Variants in PLEKHA5 observed in about 807,000 individuals in gnomAD.
The protein encoded by PLEKHA5 is pleckstrin homology domain-containing family A member 5.
Under a neutral mutation model 181.9 loss-of-function variants are expected in PLEKHA5, and 55 were observed. The ratio of observed to expected loss-of-function variants is 0.30; its 90% CI spans 0.24 to 0.38. The LOEUF (loss-of-function observed/expected upper bound fraction) is 0.38. Ranked by LOEUF, PLEKHA5 falls within the 10% of genes least tolerant of loss-of-function variation. The pLI, the probability that PLEKHA5 is intolerant of heterozygous loss-of-function variation, is 1.00. For synonymous variants in PLEKHA5, 535 were observed against 529.4 expected (o/e 1.01, Z -0.15); for missense variants, 1,432 against 1,549.5 (o/e 0.92, Z 1.27).
intron 22 of PLEKHA5, among the ~76,000 whole-genome samples, chr12:19,344,612 A>G (rs1049753409): frequency 6.6e-6 from 1 of 152,202 alleles, no homozygotes; most frequent in African/African-American, 2.4e-5. Flanking sequence ...AAAGGTGAGA[A>G]ATAAGCACAT....
intron 3 of PLEKHA5, among the ~76,000 whole-genome samples, chr12:19,149,270 G>C (rs2039728183): frequency 6.6e-6 from 1 of 151,886 alleles, no homozygotes; most frequent in African/African-American, 2.4e-5. Flanking sequence ...GGGGAGGCCA[G>C]CGTGGACGGA....
chr12:19,331,372 A>G (rs550836231), intron 20 of PLEKHA5, among the ~76,000 whole-genome samples: 2 of 152,186 alleles, frequency 1.3e-5, no homozygotes, highest in Admixed American at 6.5e-5. Context: ...TTTTTTTTAA[A>G]TAGAATTTTT....
chr12:19,329,433 G>A (rs2092622302), intron 20 of PLEKHA5, among the ~76,000 whole-genome samples: 1 of 152,104 alleles, frequency 6.6e-6, no homozygotes, highest in Non-Finnish European at 1.5e-5. Flanking sequence ...TGTATGTCTG[G>A]TAGAAATCGG....
In PLEKHA5 at chr12:19,253,928, TC is replaced by T. The variant is rs112270315; in HGVS notation, c.228-10del. 6.2e-5 allele frequency: 95 copies of T among 1,520,154 alleles called. No individual in the cohort carries two copies. In the Admixed American group the frequency reaches 9.2e-4, roughly 15 times the overall value. The allele number at this position is 1,520,154 out of a possible 1,614,324, so 94.2% of individuals were successfully genotyped here. A position where few individuals can be genotyped will look rare whatever the true frequency, so the allele number is the denominator to read the frequency against. ...ACCTGCATGTTCTGTTTTTCTTTTT[TC>T]CTTTTTTCAGCCATAATGAAAGGAA... On this transcript the variant is annotated splice_polypyrimidine_tract_variant and intron_variant, in intron 3 of 31. Coordinates refer to ENST00000429027, the MANE Select transcript of PLEKHA5 (RefSeq NM_001256470.2).
At position 19,270,214 on chromosome 12, in the gene PLEKHA5, G is replaced by A. The variant is rs898303192; in HGVS notation, c.845+9G>A. On this transcript the variant is annotated intron_variant, in intron 10 of 31. Coordinates refer to ENST00000429027, the MANE Select transcript of PLEKHA5 (RefSeq NM_001256470.2). ...ATTACCTTTAATTTCCGGTGAGTACGTTTTTAATTGTTACCTTAAAGCTAC... is the reference window on the plus strand; with the variant it reads ...ATTACCTTTAATTTCCGGTGAGTACATTTTTAATTGTTACCTTAAAGCTAC... The A allele has an allele frequency of 9.0e-5, 126 of 1,400,640 alleles. No individual in the cohort carries two copies. Among genetic ancestry groups the A allele is most frequent in the Non-Finnish European group, 1.1e-4 (116 of 1,048,366 alleles). The allele number at this position is 1,400,640 out of a possible 1,614,324, so 86.8% of individuals were successfully genotyped here.
intron 3 of PLEKHA5, among the ~76,000 whole-genome samples, chr12:19,164,072 T>C (rs2043652857): frequency 1.3e-5 from 2 of 152,176 alleles, no homozygotes; most frequent in Non-Finnish European, 2.9e-5. Flanking sequence ...GGTAACACTC[T>C]TTTCACTTTG....
At chr12:19,369,207 G>A (rs893693741) in intron 30 of PLEKHA5, among the ~76,000 whole-genome samples, 7 of 151,576 alleles carry the variant, frequency 4.6e-5, no homozygotes, top group African/African-American at 1.2e-4. Context: ...ACTAATTTTT[G>A]TATTTTTAGT....
intron 5 of PLEKHA5, among the ~76,000 whole-genome samples, chr12:19,255,939 T>C (rs2066774948): frequency 7.1e-6 from 1 of 141,094 alleles, no homozygotes; most frequent in South Asian, 2.3e-4. Context: ...AAATATGACA[T>C]AAAACTCAGA....
intron 13 of PLEKHA5, 42 bp from the exon 14 acceptor site, chr12:19,290,635 T>C: frequency 6.7e-7 from 1 of 1,489,440 alleles, no homozygotes; most frequent in Non-Finnish European, 9.0e-7. Context: ...CAACAATTAA[T>C]CTGTTTTCCA....
chr12:19,151,829 A>AT (rs1349871233), intron 3 of PLEKHA5: 2 of 146,862 alleles, frequency 1.4e-5, no homozygotes, highest in African/African-American at 5.1e-5. Context: ...AAGGATCAAG[A>AT]TTTTCAGGTT....
At chr12:19,193,354 A>C (rs1340915338) in intron 3 of PLEKHA5, among the ~76,000 whole-genome samples, 1 of 152,222 alleles carries the variant, frequency 6.6e-6, no homozygotes, top group Non-Finnish European at 1.5e-5. Context: ...CATGAAGCCA[A>C]TATTTTAAAA....
chr12:19,242,233 G>GTT (rs201771165), intron 3 of PLEKHA5, among the ~76,000 whole-genome samples: 4 of 77,234 alleles, frequency 5.2e-5, no homozygotes, highest in Middle Eastern at 6.8e-3. Context: ...TCCTTTTTTT[G>GTT]TTTTTTTTTG....
At chr12:19,236,917 C>T (rs1012038420) in intron 3 of PLEKHA5, 2 of 152,184 alleles carry the variant, frequency 1.3e-5, no homozygotes, top group Admixed American at 6.6e-5. Context: ...AGTGCTTCAT[C>T]CCCACAGTGC....
At chr12:19,213,762 T>C (rs1165149490) in intron 3 of PLEKHA5, among the ~76,000 whole-genome samples, 1 of 152,138 alleles carries the variant, frequency 6.6e-6, no homozygotes, top group African/African-American at 2.4e-5. Context: ...TTAGGTTTGA[T>C]GAACTGGGAT....
chr12:19,275,535 A>G (rs1390545882), intron 11 of PLEKHA5, among the ~76,000 whole-genome samples: 1 of 152,152 alleles, frequency 6.6e-6, no homozygotes, highest in African/African-American at 2.4e-5. Context: ...AGGCCAAAGC[A>G]GGAGAATCGT....
At chr12:19,265,219 A>G (rs1397896730) in intron 7 of PLEKHA5, among the ~76,000 whole-genome samples, 2 of 152,256 alleles carry the variant, frequency 1.3e-5, no homozygotes, top group African/African-American at 4.8e-5. Flanking sequence ...GTGTCTTTGT[A>G]GAACTTACAT....
Position 19,274,804 on chromosome 12 carries a change from C to T in PLEKHA5, c.1134C>T (p.Ser378=), listed in dbSNP as rs763277331. 4.3e-6 allele frequency: 7 copies of T among 1,614,174 alleles called. No homozygotes were observed. Among genetic ancestry groups the T allele is most frequent in the Non-Finnish European group, 5.9e-6 (7 of 1,180,046 alleles). Residue 378 remains serine (S), a synonymous_variant, in exon 11 of 32, where the codon AGC becomes AGT. Coordinates refer to ENST00000429027, the MANE Select transcript of PLEKHA5 (RefSeq NM_001256470.2). ...QTVHYRPINL[S]SSENKIVNVS... ...TGCACTACAGACCAATCAACTTGAGCAGTTCAGAGAACAAAATAGTCAATG... is the reference window on the plus strand; with the variant it reads ...TGCACTACAGACCAATCAACTTGAGTAGTTCAGAGAACAAAATAGTCAATG...
intron 21 of PLEKHA5, among the ~76,000 whole-genome samples, chr12:19,340,050 T>A (rs1565636557): frequency 6.6e-6 from 1 of 151,866 alleles, no homozygotes; most frequent in Non-Finnish European, 1.5e-5. Context: ...AGAGAGAGAA[T>A]TGTTGAACAG....
chr12:19,221,185 C>T (rs2058878467), intron 3 of PLEKHA5, among the ~76,000 whole-genome samples: 2 of 152,148 alleles, frequency 1.3e-5, no homozygotes, highest in South Asian at 2.1e-4. Flanking sequence ...ACACAAAAAC[C>T]AGCACTTGAA....
Sources: gnomAD v4.1 joint callset for allele counts (sites outside exome capture counted in the v4.1 genomes callset) on GRCh38, gnomAD v4.1.1 for gene constraint, MANE v1.5 for transcripts, NCBI Gene and HGNC (gene_info 2026-07-23, HGNC 2026-07-21) for gene names.